PDZD9: variants seen among roughly 807,000 people sequenced by gnomAD.
PDZD9 encodes PDZ domain containing 9.
PDZD9 carries 13 observed loss-of-function variants against 16.3 expected under a neutral mutation model. The observed-to-expected ratio is 0.80, with a 90% confidence interval of 0.52 to 1.27. The LOEUF (loss-of-function observed/expected upper bound fraction) is 1.27, where lower values mean the gene tolerates loss of function less well. Ranked by LOEUF, PDZD9 falls within the 50% of genes most tolerant of loss-of-function variation. The pLI is 0.00. For missense variants in PDZD9, 288 were observed against 310.9 expected, an observed-to-expected ratio of 0.93 and a Z score of 0.55; for synonymous variants, 120 against 111.0, an observed-to-expected ratio of 1.08 and a Z score of -0.51.
At chr16:22,000,824 AAAT>A (rs1440989949) in intron 1 of PDZD9, among the ~76,000 whole-genome samples, 190 bp downstream of exon 1, 1 of 117,018 alleles carries the variant, frequency 8.5e-6, no homozygotes, top group African/African-American at 3.5e-5. Context: ...ACTCCTTCTC[AAAT>A]GATGATGATG....
the PDZD9 span, among the ~76,000 whole-genome samples, chr16:21,960,477 T>G: frequency 6.6e-6 from 1 of 152,216 alleles, no homozygotes; most frequent in Admixed American, 6.5e-5. Flanking sequence ...AACTCTGTAT[T>G]ATCAGCAATA....
chr16:21,962,573 C>G, the PDZD9 span: 14,939 of 1,610,556 alleles, frequency 9.3e-3, 101 homozygotes, highest in Non-Finnish European at 0.012. Context: ...AAGCTGCTCA[C>G]TTCTGGTCTT....
intron 3 of PDZD9, among the ~76,000 whole-genome samples, chr16:21,987,822 T>A: frequency 6.6e-6 from 1 of 151,962 alleles, no homozygotes; most frequent in Non-Finnish European, 1.5e-5. Context: ...TAATACAGCT[T>A]TTAGCAAGTT....
downstream of PDZD9, among the ~76,000 whole-genome samples, chr16:21,979,186 C>T (rs942571976): frequency 6.6e-6 from 1 of 152,144 alleles, no homozygotes; most frequent in Non-Finnish European, 1.5e-5. Context: ...CAAGTACAGG[C>T]CTGACACCCT....
chr16:21,984,731 C>G lies in PDZD9; in HGVS notation c.402-71G>C, dbSNP rs1898833568. On this transcript the variant is annotated intron_variant, in intron 3 of 3. Transcript: ENST00000424898. ...ACATTTATGGTCCCCTAACAAGATG[C>G]CTTATAACTTGCTTTGACTCATAAA... The G allele has an allele frequency of 4.0e-6, 5 of 1,242,094 alleles. No individual in the cohort carries two copies. The South Asian group carries it at 1.0e-4, about 25-fold the overall frequency. The allele number at this position is 1,242,094 out of a possible 1,614,324, so 76.9% of individuals were successfully genotyped here.
chr16:21,979,293 A>C (rs781654698), downstream of PDZD9, among the ~76,000 whole-genome samples: 1 of 152,174 alleles, frequency 6.6e-6, no homozygotes, highest in Non-Finnish European at 1.5e-5. Flanking sequence ...GCCATGGATC[A>C]ATTATAATTT....
At chr16:21,995,819 G>C (rs531866145) in intron 2 of PDZD9, among the ~76,000 whole-genome samples, 1 of 151,250 alleles carries the variant, frequency 6.6e-6, no homozygotes, top group Non-Finnish European at 1.5e-5. Context: ...TTTTTGAGAC[G>C]GAGTCTCTGT....
chr16:21,980,705 G>A (rs775321046), downstream of PDZD9: 2 of 1,611,630 alleles, frequency 1.2e-6, no homozygotes, highest in Non-Finnish European at 8.5e-7. Context: ...ATAAATGTAA[G>A]TAAATGAAAA....
At chr16:21,982,070 G>A (rs907764367), downstream of PDZD9, among the ~76,000 whole-genome samples, 6 of 151,944 alleles carry the variant, frequency 3.9e-5, no homozygotes, top group African/African-American at 1.5e-4. Context: ...TCGATCTCCT[G>A]ACCTCGTGAT....
chr16:21,984,089 C>T lies in PDZD9; in HGVS notation c.*178G>A. 1 of 606,092 alleles carries T rather than the reference C, an allele frequency of 1.6e-6. No individual in the cohort carries two copies. Among genetic ancestry groups the T allele is most frequent in the Non-Finnish European group, 2.7e-6 (1 of 372,004 alleles). 37.5% of individuals were successfully genotyped at this position (606,092 alleles called of 1,614,324 possible). Reference sequence around the variant, plus strand: ...AAGATTTGTGAGGCCTGCAAGAACCCAAGGAAGTCTTTAGATAATCCTGTT... The same window carrying T: ...AAGATTTGTGAGGCCTGCAAGAACCTAAGGAAGTCTTTAGATAATCCTGTT... On this transcript the variant is annotated 3_prime_UTR_variant, in exon 4 of 4. Transcript: ENST00000424898.
chr16:21,975,812 C>T, the PDZD9 span, among the ~76,000 whole-genome samples: 2 of 152,026 alleles, frequency 1.3e-5, no homozygotes, highest in Non-Finnish European at 2.9e-5. Context: ...TGTGTTTGGC[C>T]GGGTGTGGTG....
intron 2 of PDZD9, among the ~76,000 whole-genome samples, chr16:21,989,413 G>A (rs901368845): frequency 1.3e-5 from 2 of 152,148 alleles, no homozygotes; most frequent in Non-Finnish European, 2.9e-5. Flanking sequence ...GGAACCAGCT[G>A]TTAGGATTCT....
the PDZD9 span, chr16:21,957,551 T>C: frequency 2.1e-5 from 34 of 1,614,076 alleles, no homozygotes; most frequent in Non-Finnish European, 2.9e-5. Context: ...ATTTGCTGCG[T>C]CTTACATCCA....
chr16:21,969,637 T>A, the PDZD9 span, among the ~76,000 whole-genome samples: 1 of 152,136 alleles, frequency 6.6e-6, no homozygotes, highest in Non-Finnish European at 1.5e-5. Flanking sequence ...CATGAGAATA[T>A]CATTTGTAAT....
Position 21,990,076 on chromosome 16 carries a change from G to A in PDZD9, c.212-1285C>T, listed in dbSNP as rs539000894. Among the ~76,000 whole-genome samples the A allele has an allele frequency of 1.7e-4, 26 of 152,280 alleles. No homozygotes were observed. In the East Asian group the frequency reaches 4.2e-3, roughly 25 times the overall value. Reference sequence around the variant, plus strand: ...TCCAAGCCTGCTTCTCCAGCCTTTTGGGAGATTCTGTCAGACTCAGTATCC... The same window carrying A: ...TCCAAGCCTGCTTCTCCAGCCTTTTAGGAGATTCTGTCAGACTCAGTATCC... On this transcript the variant is annotated intron_variant, in intron 2 of 3. Coordinates refer to ENST00000424898, the MANE Select transcript of PDZD9 (RefSeq NM_001363519.1).
At chr16:21,976,231 T>C in the PDZD9 span, 1 of 1,613,618 alleles carries the variant, frequency 6.2e-7, no homozygotes, top group Non-Finnish European at 8.5e-7. Flanking sequence ...AACACAGATG[T>C]CCAAGCTGCC....
chr16:21,960,631 C>G, the PDZD9 span, among the ~76,000 whole-genome samples: 1 of 152,136 alleles, frequency 6.6e-6, no homozygotes, highest in Admixed American at 6.5e-5. Flanking sequence ...GAAGCTTAAT[C>G]CTTTCTAGCT....
chr16:21,962,713 T>C, the PDZD9 span: 2 of 1,611,924 alleles, frequency 1.2e-6, no homozygotes, highest in South Asian at 1.1e-5. Context: ...TCTCAAATGT[T>C]GGCTTTACAT....
intron 2 of PDZD9, among the ~76,000 whole-genome samples, chr16:21,990,036 G>C (rs1012079684): frequency 6.6e-6 from 1 of 152,068 alleles, no homozygotes; most frequent in Admixed American, 6.5e-5. Flanking sequence ...ACAGCTCTTG[G>C]TTCTCTCACC....
Sources: gnomAD v4.1 joint callset for allele counts (sites outside exome capture counted in the v4.1 genomes callset) on GRCh38, gnomAD v4.1.1 for gene constraint, MANE v1.5 for transcripts, NCBI Gene and HGNC (gene_info 2026-07-23, HGNC 2026-07-21) for gene names.